Variants in MARF1 observed in about 807,000 individuals in gnomAD.
MARF1 encodes meiosis regulator and mRNA stability factor 1.
In MARF1, 24 loss-of-function variants were observed where a neutral mutation model predicts 168.2. The ratio of observed to expected loss-of-function variants is 0.14; its 90% CI spans 0.10 to 0.20. The LOEUF (loss-of-function observed/expected upper bound fraction) is 0.20, where lower values mean the gene tolerates loss of function less well. MARF1 is among the 10% of genes least tolerant of loss of function. The probability of loss-of-function intolerance (pLI) is 1.00; values close to 1 mark genes in which losing one functional copy is unlikely to be tolerated. For synonymous variants in MARF1, 868 were observed against 822.4 expected (o/e 1.06, Z -0.95); for missense variants, 1,744 against 2,143.6 (o/e 0.81, Z 3.68).
intron 23 of MARF1, 78 bp from the exon 24 acceptor site, chr16:15,600,779 C>CTTAGGCTAGAA: frequency 6.8e-7 from 1 of 1,466,946 alleles, no homozygotes; most frequent in Non-Finnish European, 9.5e-7. Context: ...AGAGTGTGAC[C>CTTAGGCTAGAA]TACGGAGCCT....
chr16:15,608,991 C>A (rs544041916), intron 20 of MARF1, among the ~76,000 whole-genome samples: 18 of 152,300 alleles, frequency 1.2e-4, no homozygotes, highest in Non-Finnish European at 2.6e-4. Context: ...GTAATCCCAG[C>A]ACTCTGGGAG....
chr16:15,615,405 AAT>A (rs950442881), intron 16 of MARF1, among the ~76,000 whole-genome samples: 3 of 152,046 alleles, frequency 2.0e-5, no homozygotes. Context: ...GCAAGTGGAT[AAT>A]GAGGTCAAGA....
chr16:15,600,099 T>C (rs768696668), intron 25 of MARF1, among the ~76,000 whole-genome samples: 4 of 152,168 alleles, frequency 2.6e-5, no homozygotes, highest in Non-Finnish European at 4.4e-5. Flanking sequence ...GTTGGCTCTC[T>C]CTCCCCTGTT....
chr16:15,633,933 G>A (rs1287009257), intron 4 of MARF1, 90 bp from the exon 5 acceptor site: 1 of 1,083,932 alleles, frequency 9.2e-7, no homozygotes, highest in Non-Finnish European at 1.3e-6. Flanking sequence ...ATTCTCAGTG[G>A]TAGAAAAACT....
chr16:15,642,431 C>G (rs1452410410), intron 1 of MARF1: 1 of 152,162 alleles, frequency 6.6e-6, no homozygotes. Flanking sequence ...TTTCAATACA[C>G]CGATATGCAA....
chr16:15,636,038 G>A lies in MARF1; in HGVS notation c.449C>T (p.Ser150Leu), dbSNP rs771287756. 6.2e-7 allele frequency: 1 copy of A among 1,614,222 alleles called. No homozygotes were observed. The highest frequency in any genetic ancestry group is 1.3e-5 in the African/African-American group (1 of 75,058). The change falls in exon 3 of 27, where the codon TCA (serine) becomes TTA (leucine). Residue 150 changes from serine (S) to leucine (L), a missense_variant. Ser to Leu is a moderately radical substitution (Grantham distance 145). Coordinates refer to ENST00000396368, the MANE Select transcript of MARF1 (RefSeq NM_014647.4). ...AGATGCAGACTGGAAAGCAAACCCT[G>A]ACCCTACCTGACACGTGATTGTCCT... The part of the protein sequence containing the change: ...STRTITCQVG[S>L]GFAFQSASSL...
At position 15,604,075 on chromosome 16, in the gene MARF1, C is replaced by G. The variant is rs2032782562; in HGVS notation, c.4413+93G>C. On this transcript the variant is annotated intron_variant, in intron 22 of 26. Coordinates refer to ENST00000396368, the MANE Select transcript of MARF1 (RefSeq NM_014647.4). ...AAATGGTCTCTCGGGTCCCTTCCAG[C>G]TCTACACACTCTAATCTAGACCATC... 3 of 991,416 alleles carry G rather than the reference C, an allele frequency of 3.0e-6. No individual in the cohort carries two copies. The South Asian group carries it at 4.5e-5, about 15-fold the overall frequency. The allele number at this position is 991,416 out of a possible 1,614,324, so 61.4% of individuals were successfully genotyped here.
intron 1 of MARF1, among the ~76,000 whole-genome samples, chr16:15,640,674 C>T (rs118021975): frequency 1.1e-4 from 16 of 152,280 alleles, no homozygotes; most frequent in Non-Finnish European, 2.2e-4. Flanking sequence ...GCAGCCTGGG[C>T]GACGGAGTGA....
At chr16:15,631,794 T>C (rs1365793556) in intron 5 of MARF1, among the ~76,000 whole-genome samples, 1 of 152,124 alleles carries the variant, frequency 6.6e-6, no homozygotes, top group Non-Finnish European at 1.5e-5. Context: ...CCCCTCCCTG[T>C]GTCCATGTGT....
At chr16:15,621,633 C>G (rs1310491945) in intron 12 of MARF1, 100 bp downstream of exon 12, 58 of 1,151,694 alleles carry the variant, frequency 5.0e-5, no homozygotes, top group Admixed American at 2.1e-4. Flanking sequence ...GCAATCATCA[C>G]AAGGGGGTGG....
At chr16:15,597,387 C>T (rs2031836145) in intron 26 of MARF1, among the ~76,000 whole-genome samples, 1 of 152,140 alleles carries the variant, frequency 6.6e-6, no homozygotes, top group African/African-American at 2.4e-5. Context: ...TAGAGAGGAC[C>T]TATGCTCCCC....
chr16:15,616,024 A>T lies in MARF1; in HGVS notation c.3078-19T>A. 6.8e-7 allele frequency: 1 copy of T among 1,460,836 alleles called. No individual in the cohort carries two copies. The highest frequency in any genetic ancestry group is 9.1e-7 in the Non-Finnish European group (1 of 1,097,892). 90.5% of individuals were successfully genotyped at this position (1,460,836 alleles called of 1,614,324 possible). On this transcript the variant is annotated intron_variant, in intron 15 of 26. Coordinates refer to ENST00000396368, the MANE Select transcript of MARF1 (RefSeq NM_014647.4). Reference sequence around the variant, plus strand: ...TGGAAAGCTGAAATAGGAAAAAACAACAAAAAAAGGAAAGGTTAAATCAAA... The same window carrying T: ...TGGAAAGCTGAAATAGGAAAAAACATCAAAAAAAGGAAAGGTTAAATCAAA...
intron 25 of MARF1, 35 bp downstream of exon 25, chr16:15,600,393 C>G (rs1465110244): frequency 6.2e-7 from 1 of 1,613,058 alleles, no homozygotes; most frequent in Admixed American, 1.7e-5. Flanking sequence ...CCTAGAATTT[C>G]ACAAGCTCCT....
chr16:15,607,721 G>C (rs1194938589), intron 21 of MARF1, among the ~76,000 whole-genome samples: 1 of 152,180 alleles, frequency 6.6e-6, no homozygotes. Flanking sequence ...CTGGTCCTGT[G>C]GGGGAGGAGG....
chr16:15,610,948 C>T lies in MARF1; in HGVS notation c.3751+27G>A, dbSNP rs748263111. The T allele has an allele frequency of 1.9e-6, 3 of 1,607,442 alleles. No individual in the cohort carries two copies. In the South Asian group the frequency reaches 3.3e-5, roughly 18 times the overall value. On this transcript the variant is annotated intron_variant, in intron 19 of 26. Coordinates refer to ENST00000396368, the MANE Select transcript of MARF1 (RefSeq NM_014647.4). ...TAAAATAACAGGAGATAGACAATAT[C>T]CTTCCAGCAAATGTTAAGTCACATA...
At chr16:15,600,974 C>T (rs1470413026) in intron 23 of MARF1, 7 of 675,960 alleles carry the variant, frequency 1.0e-5, no homozygotes, top group Non-Finnish European at 1.6e-5. Flanking sequence ...GTCTTCCAAA[C>T]ACCAGCTTTG....
chr16:15,607,026 G>A (rs541273831), intron 21 of MARF1, among the ~76,000 whole-genome samples: 24 of 152,190 alleles, frequency 1.6e-4, no homozygotes, highest in South Asian at 6.2e-4. Flanking sequence ...CAGCAGCACC[G>A]ACTCTTCCCA....
chr16:15,622,729 C>T (rs1343653887), intron 11 of MARF1, among the ~76,000 whole-genome samples: 2 of 152,218 alleles, frequency 1.3e-5, no homozygotes, highest in Non-Finnish European at 2.9e-5. Context: ...CTTTTCACTG[C>T]TAGGCGTCTT....
rs761180160 is a variant in MARF1, at chr16:15,599,164, A to AC, written c.4814-141_4814-140insG. The AC allele has an allele frequency of 1.5e-4, 123 of 794,478 alleles. 1 individual carries two copies. In the African/African-American group the frequency reaches 2.0e-3, roughly 13 times the overall value. The allele number at this position is 794,478 out of a possible 1,614,324, so 49.2% of individuals were successfully genotyped here. On this transcript the variant is annotated intron_variant, in intron 25 of 26. Coordinates refer to ENST00000396368, the MANE Select transcript of MARF1 (RefSeq NM_014647.4). ...AAGTATTTAAGGTATTAAAAAAAAA[A>AC]AAAAAAAAAAACAAAAACCCAAAAC...
Sources: gnomAD v4.1 joint callset for allele counts (sites outside exome capture counted in the v4.1 genomes callset) on GRCh38, gnomAD v4.1.1 for gene constraint, MANE v1.5 for transcripts, NCBI Gene and HGNC (gene_info 2026-07-23, HGNC 2026-07-21) for gene names.